Variants in ATP1A3 observed in about 807,000 individuals in gnomAD.
ATP1A3 encodes the protein sodium/potassium-transporting ATPase subunit alpha-3.
ATP1A3 carries 12 observed loss-of-function variants against 108.8 expected under a neutral mutation model. That is an observed-to-expected ratio of 0.11 (90% CI 0.07 to 0.18). The LOEUF is 0.18. Among genes scored for constraint, ATP1A3 ranks in the 10% least tolerant of loss-of-function variants. The pLI, the probability that ATP1A3 is intolerant of heterozygous loss-of-function variation, is 1.00. For synonymous variants in ATP1A3, 539 were observed against 564.5 expected (o/e 0.95, Z 0.64); for missense variants, 498 against 1,387.7 (o/e 0.36, Z 10.19).
In ATP1A3 at chr19:41,985,448, G is replaced by C; in HGVS notation, c.607-25C>G. Reference sequence around the variant, plus strand: ...CCTGGGGGTAGGTGCAGCAGAGAGAGGGTTCAGTCCAGGGCCTGGGACAGG... The same window carrying C: ...CCTGGGGGTAGGTGCAGCAGAGAGACGGTTCAGTCCAGGGCCTGGGACAGG... On this transcript the variant is annotated intron_variant, in intron 6 of 22. Coordinates refer to ENST00000648268, the MANE Select transcript of ATP1A3 (RefSeq NM_152296.5). The surrounding 1 kb of genome is among the most constrained non-coding windows in gnomAD (Gnocchi z 8.2). 1.3e-6 allele frequency: 2 copies of C among 1,599,662 alleles called. No homozygotes were observed. The highest frequency in any genetic ancestry group is 1.7e-6 in the Non-Finnish European group (2 of 1,166,860).
chr19:41,969,293 G>T (rs1211619381), intron 19 of ATP1A3, 142 bp downstream of exon 19: 8 of 1,415,284 alleles, frequency 5.7e-6, no homozygotes, highest in Non-Finnish European at 7.9e-6. Context: ...GGGCATCCAG[G>T]AAGCCCCAGG....
intron 8 of ATP1A3, among the ~76,000 whole-genome samples, chr19:41,983,173 G>T (rs1201496716): frequency 2.0e-5 from 3 of 152,018 alleles, no homozygotes; most frequent in African/African-American, 7.2e-5. Flanking sequence ...CACCTCCCAG[G>T]TTCAAGCAAT....
chr19:41,976,355 G>C, intron 15 of ATP1A3, 61 bp downstream of exon 15: 1 of 1,596,084 alleles, frequency 6.3e-7, no homozygotes. Context: ...ACCAGGCCCC[G>C]GCCTCAGTGA....
chr19:41,970,925 C>G (rs1187167182), intron 16 of ATP1A3, among the ~76,000 whole-genome samples: 1 of 151,832 alleles, frequency 6.6e-6, no homozygotes, highest in Non-Finnish European at 1.5e-5. Context: ...AGCCACCGCG[C>G]CCGGCCTGTC....
In ATP1A3 at chr19:41,978,262, G is replaced by T; in HGVS notation, c.1695C>A (p.Asp565Glu). The change falls in exon 13 of 23, where the codon GAC becomes GAA. Residue 565 changes from aspartate (D) to glutamate (E), a missense_variant. By Grantham distance (45) the Asp-to-Glu change is conservative. Coordinates refer to ENST00000648268, the MANE Select transcript of ATP1A3 (RefSeq NM_152296.5). The surrounding 1 kb of genome is among the most constrained non-coding windows in gnomAD (Gnocchi z 8.3). ...FPKGFAFDCD[D>E]VNFTTDNLCF... is the part of the protein sequence containing the mutation. ...AGAGGTTGTCCGTGGTGAAGTTCAC[G>T]TCATCACAGTCGAAGGCAAAGCCCT... is the stretch of plus-strand genomic sequence containing the variant. 6.2e-7 allele frequency: 1 copy of T among 1,613,518 alleles called. No individual in the cohort carries two copies. The highest frequency in any genetic ancestry group is 8.5e-7 in the Non-Finnish European group (1 of 1,179,772).
rs1482782824 is a variant in ATP1A3, at chr19:41,978,896, T to G, written c.1438-98A>C. On this transcript the variant is annotated intron_variant, in intron 11 of 22. Transcript: ENST00000648268. The surrounding 1 kb of genome is among the most constrained non-coding windows in gnomAD (Gnocchi z 8.3). ...CTGTCCAGAGCCACGGGTGCCAGGA[T>G]AGGCCCACACCAGGGCTCCCCCACA... 1.2e-5 allele frequency: 15 copies of G among 1,244,640 alleles called. No individual in the cohort carries two copies. The African/African-American group carries it at 1.9e-4, about 16-fold the overall frequency. The allele number at this position is 1,244,640 out of a possible 1,614,324, so 77.1% of individuals were successfully genotyped here. A position where few individuals can be genotyped will look rare whatever the true frequency, so the allele number is the denominator to read the frequency against.
In ATP1A3 at chr19:41,967,064, GAC is replaced by G. The variant is rs1555858766; in HGVS notation, c.3014-101_3014-100del. The G allele has an allele frequency of 1.3e-6, 2 of 1,551,606 alleles. No individual in the cohort carries two copies. Among genetic ancestry groups the G allele is most frequent in the Non-Finnish European group, 1.7e-6 (2 of 1,147,002 alleles). On this transcript the variant is annotated intron_variant, in intron 22 of 22. Transcript: ENST00000648268. The surrounding 1 kb of genome is among the most constrained non-coding windows in gnomAD (Gnocchi z 4.2). ...AGAGAGAGGGACAGAGAGGGAGAGA[GAC>G]AAGGAAACCACACAGACAGAGACCC...
intron 4 of ATP1A3, among the ~76,000 whole-genome samples, chr19:41,987,023 C>T (rs918110237): frequency 6.6e-6 from 1 of 152,020 alleles, no homozygotes; most frequent in Non-Finnish European, 1.5e-5. Flanking sequence ...GGATGACAGG[C>T]GTGAGCCACC....
chr19:41,988,864 C>T lies in ATP1A3; in HGVS notation c.7-302G>A, dbSNP rs1271701959. Among the ~76,000 whole-genome samples the T allele has an allele frequency of 6.6e-5, 10 of 152,174 alleles. No individual in the cohort carries two copies. The highest frequency in any genetic ancestry group is 2.4e-4 in the African/African-American group (10 of 41,444). ...TCTGTCCCCGAAGGTCCCTGTCTGG[C>T]TTCTGCCTGTGTTTCAGTCTCTCTC... On this transcript the variant is annotated intron_variant, in intron 1 of 22. Transcript: ENST00000648268. This position sits in a 1 kb window ranked among gnomAD's most constrained non-coding sequence, Gnocchi z 5.3.
At position 41,974,918 on chromosome 19, in the gene ATP1A3, T is replaced by C. The variant is rs554538837; in HGVS notation, c.2263+711A>G. On this transcript the variant is annotated intron_variant, in intron 16 of 22. Coordinates refer to ENST00000648268, the MANE Select transcript of ATP1A3 (RefSeq NM_152296.5). ...CCTGCGACTCCCTGGCACTAGTCTA[T>C]GTGGACGTCACAGCATGGCCCCTGA... 3.9e-5 allele frequency among the ~76,000 whole-genome samples: 6 copies of C among 152,334 alleles called. No individual in the cohort carries two copies. The East Asian group carries it at 1.2e-3, about 29-fold the overall frequency.
chr19:41,987,159 C>T (rs1450155234), intron 4 of ATP1A3, among the ~76,000 whole-genome samples: 1 of 152,192 alleles, frequency 6.6e-6, no homozygotes, highest in Non-Finnish European at 1.5e-5. Context: ...TTCTACAAGG[C>T]AGCTTCTTTG....
chr19:41,977,765 G>A (rs2075187206), intron 14 of ATP1A3, among the ~76,000 whole-genome samples, 171 bp downstream of exon 14: 1 of 152,218 alleles, frequency 6.6e-6, no homozygotes, highest in South Asian at 2.1e-4. Flanking sequence ...GGCTACCTCT[G>A]TGGCTGCAAT....
chr19:41,993,444 A>C, intron 1 of ATP1A3: 4 of 1,533,730 alleles, frequency 2.6e-6, no homozygotes, highest in Non-Finnish European at 3.5e-6. Context: ...CTGCTCCCCT[A>C]CATGAGGGGC....
chr19:41,971,637 G>C (rs77338552), intron 16 of ATP1A3, among the ~76,000 whole-genome samples: 158 of 152,270 alleles, frequency 1.0e-3, no homozygotes, highest in African/African-American at 3.7e-3. Context: ...ACACGAGCCA[G>C]ACACAAAAGC....
At chr19:41,975,388 A>G (rs2075155062) in intron 16 of ATP1A3, among the ~76,000 whole-genome samples, 1 of 152,058 alleles carries the variant, frequency 6.6e-6, no homozygotes, top group Non-Finnish European at 1.5e-5. Context: ...AGCTTCACCC[A>G]CCAGATGGGG....
intron 1 of ATP1A3, among the ~76,000 whole-genome samples, chr19:41,990,084 C>T (rs1363267568): frequency 2.6e-5 from 4 of 152,168 alleles, no homozygotes; most frequent in Admixed American, 6.5e-5. Flanking sequence ...TGTCTTTTTC[C>T]GTCTTTCGGT....
rs1555859135 is a variant in ATP1A3, at chr19:41,968,753, C to A, written c.2819+32G>T. 3 of 1,612,994 alleles carry A rather than the reference C, an allele frequency of 1.9e-6. No individual in the cohort carries two copies. The highest frequency in any genetic ancestry group is 1.7e-6 in the Non-Finnish European group (2 of 1,179,324). ...ACAGACACTCGGACAGGACAGATGG[C>A]TGTCCAGTCACCATGTGCCCCCGGC... On this transcript the variant is annotated intron_variant, in intron 20 of 22. Coordinates refer to ENST00000648268, the MANE Select transcript of ATP1A3 (RefSeq NM_152296.5). The surrounding 1 kb of genome is among the most constrained non-coding windows in gnomAD (Gnocchi z 5.0).
rs781900921 is a variant in ATP1A3, at chr19:41,967,629, T to C, written c.2921+33A>G. The C allele has an allele frequency of 3.7e-6, 6 of 1,605,150 alleles. No homozygotes were observed. The highest frequency in any genetic ancestry group is 5.1e-6 in the Non-Finnish European group (6 of 1,174,166). The stretch of plus-strand genomic sequence containing the variant: ...GGGAAGGCTCCATGGCAGGCGCTGG[T>C]GTGGGCAGGGCTGGGGGCAGCGGGG... On this transcript the variant is annotated intron_variant, in intron 21 of 22. Coordinates refer to ENST00000648268, the MANE Select transcript of ATP1A3 (RefSeq NM_152296.5). The surrounding 1 kb of genome is among the most constrained non-coding windows in gnomAD (Gnocchi z 4.2).
chr19:41,978,912 C>A lies in ATP1A3; in HGVS notation c.1438-114G>T. On this transcript the variant is annotated intron_variant, in intron 11 of 22. Coordinates refer to ENST00000648268, the MANE Select transcript of ATP1A3 (RefSeq NM_152296.5). This position sits in a 1 kb window ranked among gnomAD's most constrained non-coding sequence, Gnocchi z 8.3. ...GTGCCAGGATAGGCCCACACCAGGG[C>A]TCCCCCACACTCTCTCACAGAGACC... 1.1e-6 allele frequency: 1 copy of A among 903,202 alleles called. No homozygotes were observed. The highest frequency in any genetic ancestry group is 1.7e-6 in the Non-Finnish European group (1 of 576,980). The allele number at this position is 903,202 out of a possible 1,614,324, so 55.9% of individuals were successfully genotyped here.
Sources: allele counts gnomAD v4.1 joint callset (sites outside exome capture counted in the v4.1 genomes callset), GRCh38; gene constraint gnomAD v4.1.1; non-coding constraint Gnocchi (gnomAD v3.1); transcripts MANE v1.5; gene names NCBI Gene and HGNC (gene_info 2026-07-23, HGNC 2026-07-21).